The following DCK variants were observed in gnomAD, a reference collection of about 807,000 sequenced individuals.
DCK encodes deoxyadenosine kinase.
DCK carries 23 observed loss-of-function variants against 38.3 expected under a neutral mutation model. The observed-to-expected ratio is 0.60, with a 90% CI of 0.43 to 0.85. The LOEUF (loss-of-function observed/expected upper bound fraction) is 0.85. Ranked by LOEUF, DCK falls within the 40% of genes least tolerant of loss-of-function variation. DCK has a pLI of 0.00. For missense variants in DCK, 259 were observed against 304.4 expected (o/e 0.85, Z 1.11); for synonymous variants, 108 against 100.6 (o/e 1.07, Z -0.44).
intron 2 of DCK, among the ~76,000 whole-genome samples, chr4:71,011,234 T>C (rs113127346): frequency 0.068 from 702 of 10,252 alleles, 8 homozygotes; most frequent in African/African-American, 0.22. Context: ...TGAGGTCTCT[T>C]TTTTTTTTTT....
At chr4:71,024,278 A>G (rs955701218) in intron 4 of DCK, among the ~76,000 whole-genome samples, 5 of 152,244 alleles carry the variant, frequency 3.3e-5, no homozygotes, top group Admixed American at 6.5e-5. Flanking sequence ...GCCATTTTCC[A>G]TTAAGGGAGC....
At chr4:70,996,359 T>G (rs1739659860) in intron 1 of DCK, among the ~76,000 whole-genome samples, 2 of 152,182 alleles carry the variant, frequency 1.3e-5, no homozygotes, top group Admixed American at 1.3e-4. Context: ...TGAGACCCTG[T>G]GTCTAAAGAA....
chr4:71,017,693 A>G (rs1337251293), intron 2 of DCK, among the ~76,000 whole-genome samples: 2 of 148,508 alleles, frequency 1.3e-5, no homozygotes, highest in Non-Finnish European at 3.0e-5. Context: ...AAAACAAAAC[A>G]CTGCATGTTC....
In DCK at chr4:70,993,767, T is replaced by G. The variant is rs1399997538; in HGVS notation, c.-69T>G. 3 of 1,109,280 alleles carry G rather than the reference T, an allele frequency of 2.7e-6. No homozygotes were observed. The highest frequency in any genetic ancestry group is 4.0e-6 in the Non-Finnish European group (3 of 749,262). 68.7% of individuals were successfully genotyped at this position (1,109,280 alleles called of 1,614,324 possible). On this transcript the variant is annotated 5_prime_UTR_variant, in exon 1 of 7. Transcript: ENST00000286648. ...GGCTTAGCGGCGCCGCGAGCTCCAG[T>G]GCGCGCACCCGTGGCCGCCTCCCAG...
chr4:71,024,262 A>T (rs182353834), intron 4 of DCK, among the ~76,000 whole-genome samples: 11 of 152,004 alleles, frequency 7.2e-5, no homozygotes, highest in African/African-American at 2.2e-4. Context: ...GACTTAGAGG[A>T]CCCTTGCCAT....
rs1560687960 is a variant in DCK at position 71,022,531 on chromosome 4, A to G, written c.372A>G (p.Leu124=). Residue 124 remains leucine (L), a synonymous_variant, in exon 3 of 7, where the codon TTA becomes TTG. Coordinates refer to ENST00000286648, the MANE Select transcript of DCK (RefSeq NM_000788.3). ...TCAAAGATGCAGAGAAACCTGTATTATTTTTTGAACGATCTGTGTATAGTG... is the reference window on the plus strand; with the variant it reads ...TCAAAGATGCAGAGAAACCTGTATTGTTTTTTGAACGATCTGTGTATAGTG... ...GKLKDAEKPV[L]FFERSVYSDR... is the part of the protein sequence containing the mutation. 3 of 1,592,656 alleles carry G rather than the reference A, an allele frequency of 1.9e-6. No individual in the cohort carries two copies.
chr4:71,025,753 T>C (rs1404997090), intron 4 of DCK, 63 bp from the exon 5 acceptor site: 1 of 1,491,070 alleles, frequency 6.7e-7, no homozygotes, highest in Non-Finnish European at 8.9e-7. Flanking sequence ...AAAATTTTGA[T>C]GGCAGCAGAC....
At position 71,026,672 on chromosome 4, in the gene DCK, T is replaced by G; in HGVS notation, c.673T>G (p.Phe225Val). Reference sequence around the variant, plus strand: ...ATCTCTCTTTTTAAACAGAACCAACTTCGATTATCTTCAAGAGGTGCCTAT... The same window carrying G: ...ATCTCTCTTTTTAAACAGAACCAACGTCGATTATCTTCAAGAGGTGCCTAT... ...WLLHRTLKTN[F>V]DYLQEVPILT... The change falls in exon 6 of 7, where the codon TTC becomes GTC. Residue 225 changes from phenylalanine (F) to valine (V), a missense_variant. Phe to Val is a conservative substitution (Grantham distance 50). Transcript: ENST00000286648. 6.6e-7 allele frequency: 1 copy of G among 1,511,566 alleles called. No homozygotes were observed. The allele number at this position is 1,511,566 out of a possible 1,614,324, so 93.6% of individuals were successfully genotyped here. A position where few individuals can be genotyped will look rare whatever the true frequency, so the allele number is the denominator to read the frequency against.
intron 2 of DCK, among the ~76,000 whole-genome samples, chr4:71,015,052 G>A (rs1740222008): frequency 6.6e-6 from 1 of 152,106 alleles, no homozygotes; most frequent in Admixed American, 6.5e-5. Flanking sequence ...AAACAGAGAA[G>A]AATCAAATAG....
intron 3 of DCK, 21 bp downstream of exon 3, chr4:71,022,581 C>A: frequency 7.5e-7 from 1 of 1,335,174 alleles, no homozygotes; most frequent in Non-Finnish European, 9.7e-7. Flanking sequence ...ATGGCTTGTA[C>A]GTGGCCATTT....
chr4:70,999,848 C>T (rs970715859), intron 2 of DCK, among the ~76,000 whole-genome samples: 2 of 151,986 alleles, frequency 1.3e-5, no homozygotes, highest in Non-Finnish European at 2.9e-5. Context: ...ATATCATTTG[C>T]CCACTTTCTG....
chr4:71,027,799 A>G (rs773399910), intron 6 of DCK, among the ~76,000 whole-genome samples: 1 of 152,198 alleles, frequency 6.6e-6, no homozygotes, highest in African/African-American at 2.4e-5. Context: ...TTCACTTACA[A>G]TACTATTAAA....
Position 70,993,788 on chromosome 4 carries a change from C to T in DCK, c.-48C>T, listed in dbSNP as rs368316219. 39 of 1,431,988 alleles carry T rather than the reference C, an allele frequency of 2.7e-5. No homozygotes were observed. The African/African-American group carries it at 4.9e-4, about 18-fold the overall frequency. The allele number at this position is 1,431,988 out of a possible 1,614,324, so 88.7% of individuals were successfully genotyped here. ...CCAGTGCGCGCACCCGTGGCCGCCT[C>T]CCAGCCCTCTTTGCCGGACGAGCTC... is the stretch of plus-strand genomic sequence containing the variant. On this transcript the variant is annotated 5_prime_UTR_variant, in exon 1 of 7. Coordinates refer to ENST00000286648, the MANE Select transcript of DCK (RefSeq NM_000788.3).
At chr4:71,018,670 T>A (rs1740335231) in intron 2 of DCK, among the ~76,000 whole-genome samples, 2 of 145,560 alleles carry the variant, frequency 1.4e-5, no homozygotes, top group African/African-American at 5.0e-5. Context: ...TTTTAGATTT[T>A]TTTTTTTTTT....
chr4:70,997,962 T>C, intron 1 of DCK, 105 bp from the exon 2 acceptor site: 2 of 511,052 alleles, frequency 3.9e-6, no homozygotes, highest in Non-Finnish European at 7.0e-6. Flanking sequence ...TGTTTTGGGC[T>C]TTTTATGTTG....
At chr4:71,010,561 A>T (rs917283177) in intron 2 of DCK, among the ~76,000 whole-genome samples, 8 of 148,962 alleles carry the variant, frequency 5.4e-5, no homozygotes, top group African/African-American at 1.5e-4. Context: ...ACTTTTAATT[A>T]AAAAAATTAA....
chr4:70,993,841 C>T lies in DCK; in HGVS notation c.6C>T (p.Ala2=). Residue 2 remains alanine (A), a synonymous_variant, in exon 1 of 7, where the codon GCC becomes GCT. Coordinates refer to ENST00000286648, the MANE Select transcript of DCK (RefSeq NM_000788.3). ...GGCCGCCACAAGACTAAGGAATGGC[C>T]ACCCCGCCCAAGAGAAGCTGCCCGT... M[A]TPPKRSCPSF... 1 of 1,613,034 alleles carries T rather than the reference C, an allele frequency of 6.2e-7. No homozygotes were observed. The highest frequency in any genetic ancestry group is 8.5e-7 in the Non-Finnish European group (1 of 1,179,200).
At chr4:71,023,889 T>A (rs1484834355) in intron 4 of DCK, among the ~76,000 whole-genome samples, 183 bp downstream of exon 4, 1 of 152,186 alleles carries the variant, frequency 6.6e-6, no homozygotes, top group South Asian at 2.1e-4. Flanking sequence ...CAAACTGGAA[T>A]CCCAGACTGG....
At chr4:70,995,440 T>C (rs994150670) in intron 1 of DCK, among the ~76,000 whole-genome samples, 4 of 152,084 alleles carry the variant, frequency 2.6e-5, no homozygotes, top group African/African-American at 9.7e-5. Flanking sequence ...ATTAAAAAAT[T>C]AGTTGCATGT....
Sources: allele counts gnomAD v4.1 joint callset (sites outside exome capture counted in the v4.1 genomes callset), GRCh38; gene constraint gnomAD v4.1.1; transcripts MANE v1.5; gene names NCBI Gene and HGNC (gene_info 2026-07-23, HGNC 2026-07-21).